Variants in TTC28 observed in about 807,000 individuals in gnomAD.
TTC28 encodes the protein tetratricopeptide repeat protein 28.
A neutral mutation model predicts 198.0 loss-of-function variants in TTC28; 61 were observed. The observed-to-expected ratio is 0.31, with a 90% confidence interval of 0.25 to 0.38. The LOEUF is 0.38. TTC28 is among the 10% of genes least tolerant of loss of function. The pLI, the probability that TTC28 is intolerant of heterozygous loss-of-function variation, is 1.00. For synonymous variants in TTC28, 1,171 were observed against 1,297.8 expected (o/e 0.90, Z 2.10); for missense variants, 2,678 against 3,164.0 (o/e 0.85, Z 3.69).
chr22:28,046,938 C>T (rs890897279), intron 12 of TTC28, among the ~76,000 whole-genome samples: 4 of 152,162 alleles, frequency 2.6e-5, no homozygotes, highest in Non-Finnish European at 5.9e-5. Context: ...TCTGCCTCAC[C>T]TCCCCATGTC....
At chr22:28,063,639 C>T (rs1940636445) in intron 12 of TTC28, among the ~76,000 whole-genome samples, 1 of 152,166 alleles carries the variant, frequency 6.6e-6, no homozygotes, top group South Asian at 2.1e-4. Context: ...TGCATTGCTG[C>T]ATAATATGCC....
chr22:28,357,315 ATTT>A lies in TTC28; in HGVS notation c.382-50675_382-50673del, dbSNP rs11415868. On this transcript the variant is annotated intron_variant, in intron 2 of 22. Transcript: ENST00000397906. ...AGAAATCACTTTTATCAAATTTCTT[ATTT>A]TTTTTTTTTTTTTTTTTTGAGACAG... Among the ~76,000 whole-genome samples, 8 of 113,470 alleles carry A rather than the reference ATTT, an allele frequency of 7.1e-5. No homozygotes were observed. The South Asian group carries it at 1.5e-3, about 22-fold the overall frequency. 74.4% of individuals were successfully genotyped at this position (113,470 alleles called of 152,430 possible).
At chr22:28,170,383 G>A (rs1189739151) in intron 5 of TTC28, among the ~76,000 whole-genome samples, 1 of 151,668 alleles carries the variant, frequency 6.6e-6, no homozygotes, top group Non-Finnish European at 1.5e-5. Context: ...CACCTACTCG[G>A]GAGGCTGAGG....
At chr22:27,990,282 G>A (rs1415883919) in intron 20 of TTC28, among the ~76,000 whole-genome samples, 2 of 152,202 alleles carry the variant, frequency 1.3e-5, no homozygotes, top group Admixed American at 6.5e-5. Context: ...CTCAGGCGTG[G>A]GAGAGCCTCA....
intron 1 of TTC28, among the ~76,000 whole-genome samples, chr22:28,671,846 TTG>T (rs2051893038): frequency 6.6e-6 from 1 of 151,338 alleles, no homozygotes; most frequent in Non-Finnish European, 1.5e-5. Flanking sequence ...CGGCTAATTT[TTG>T]TGTTTTTAGT....
At chr22:28,636,508 A>C (rs2051274687) in intron 1 of TTC28, among the ~76,000 whole-genome samples, 1 of 152,122 alleles carries the variant, frequency 6.6e-6, no homozygotes, top group African/African-American at 2.4e-5. Flanking sequence ...TATCTTGGTC[A>C]TTGTGAATAA....
chr22:28,597,606 AT>A (rs1426526298), intron 2 of TTC28, among the ~76,000 whole-genome samples: 2 of 152,176 alleles, frequency 1.3e-5, no homozygotes, highest in African/African-American at 4.8e-5. Flanking sequence ...GCACTGCACT[AT>A]TTCCAGTCCA....
intron 6 of TTC28, among the ~76,000 whole-genome samples, chr22:28,109,798 C>T (rs1569144743): frequency 6.6e-6 from 1 of 152,150 alleles, no homozygotes; most frequent in Non-Finnish European, 1.5e-5. Context: ...TTTGAACATG[C>T]TTTTCCATGC....
chr22:28,306,444 G>T, intron 3 of TTC28, 52 bp downstream of exon 3: 1 of 1,519,634 alleles, frequency 6.6e-7, no homozygotes, highest in Non-Finnish European at 8.8e-7. Context: ...TGGAAGGCTA[G>T]AAATGATCTT....
chr22:28,160,605 A>C (rs763445345), intron 6 of TTC28, among the ~76,000 whole-genome samples: 4 of 152,168 alleles, frequency 2.6e-5, no homozygotes, highest in Non-Finnish European at 5.9e-5. Context: ...AAGGGAACAC[A>C]ATTTATACAC....
rs559918638 is a variant in TTC28 at position 28,086,381 on chromosome 22, A to C, written c.3932+7699T>G. Among the ~76,000 whole-genome samples the C allele has an allele frequency of 6.6e-5, 10 of 152,310 alleles. No homozygotes were observed. In the South Asian group the frequency reaches 1.7e-3, roughly 25 times the overall value. On this transcript the variant is annotated intron_variant, in intron 12 of 22. Transcript: ENST00000397906. ...AACTCACTCAAAACTGGACAACTAC[A>C]TGGAAACTGAACAACCTGCTCCTGA...
chr22:28,108,513 A>C, intron 6 of TTC28, 110 bp from the exon 7 acceptor site: 2 of 954,760 alleles, frequency 2.1e-6, no homozygotes, highest in Non-Finnish European at 1.4e-6. Flanking sequence ...CAGATGAATT[A>C]AAGAATTTAA....
chr22:28,101,114 A>G, intron 9 of TTC28, 57 bp downstream of exon 9: 5 of 1,325,240 alleles, frequency 3.8e-6, no homozygotes, highest in Non-Finnish European at 5.3e-6. Context: ...CAGTAATCCT[A>G]AAGTCTCCCA....
At chr22:28,575,996 T>C (rs2050142246) in intron 2 of TTC28, among the ~76,000 whole-genome samples, 1 of 152,120 alleles carries the variant, frequency 6.6e-6, no homozygotes, top group Non-Finnish European at 1.5e-5. Flanking sequence ...TTTATTTCTT[T>C]CTCTTGTCTG....
intron 2 of TTC28, among the ~76,000 whole-genome samples, chr22:28,534,169 A>AG (rs2049210312): frequency 6.6e-6 from 1 of 152,272 alleles, no homozygotes; most frequent in Non-Finnish European, 1.5e-5. Context: ...CATCTGACAC[A>AG]GGGCTAATAT....
intron 2 of TTC28, among the ~76,000 whole-genome samples, chr22:28,561,323 AC>A (rs1268254740): frequency 1.3e-5 from 2 of 150,944 alleles, no homozygotes; most frequent in African/African-American, 4.9e-5. Flanking sequence ...TGATCCACCC[AC>A]CTCGGCCTCC....
At chr22:28,559,436 C>A (rs541664447) in intron 2 of TTC28, among the ~76,000 whole-genome samples, 1 of 152,272 alleles carries the variant, frequency 6.6e-6, no homozygotes, top group Admixed American at 6.5e-5. Context: ...AAACTTAAGA[C>A]CTATAACATT....
At chr22:28,637,494 A>G (rs1369709200) in intron 1 of TTC28, among the ~76,000 whole-genome samples, 2 of 152,198 alleles carry the variant, frequency 1.3e-5, no homozygotes, top group Admixed American at 6.5e-5. Context: ...GTGAGCATCA[A>G]GGTAACCACA....
rs1359869383 is a variant in TTC28 at position 28,274,981 on chromosome 22, A to AC, written c.933+21216_933+21217insG. 6.9e-5 allele frequency among the ~76,000 whole-genome samples: 10 copies of AC among 145,166 alleles called. No homozygotes were observed. The East Asian group carries it at 1.9e-3, about 28-fold the overall frequency. The stretch of plus-strand genomic sequence containing the variant: ...GCAACAGAGTGAGACTGTCTTAAAA[A>AC]AAAAAAAAAAAAAAAAAAAGAGAGA... On this transcript the variant is annotated intron_variant, in intron 5 of 22. Transcript: ENST00000397906.
Sources: gnomAD v4.1 joint callset for allele counts (sites outside exome capture counted in the v4.1 genomes callset) on GRCh38, gnomAD v4.1.1 for gene constraint, MANE v1.5 for transcripts, NCBI Gene and HGNC (gene_info 2026-07-23, HGNC 2026-07-21) for gene names.